Variants in PDE1A observed in about 807,000 individuals in gnomAD.
The protein encoded by PDE1A is phosphodiesterase 1A, also known as dual specificity calcium/calmodulin-dependent 3',5'-cyclic nucleotide phosphodiesterase 1A.
In PDE1A, 35 loss-of-function variants were observed where a neutral mutation model predicts 61.7. The ratio of observed to expected loss-of-function variants is 0.57; its 90% CI spans 0.43 to 0.75. The LOEUF (loss-of-function observed/expected upper bound fraction) is 0.75, where lower values mean the gene tolerates loss of function less well. Among genes scored for constraint, PDE1A ranks in the 30% least tolerant of loss-of-function variants. The pLI is 0.00. For missense variants in PDE1A, 597 were observed against 630.6 expected (o/e 0.95, Z 0.57); for synonymous variants, 232 against 213.2 (o/e 1.09, Z -0.77).
At chr2:182,241,156 G>A (rs1014670149) in intron 2 of PDE1A, among the ~76,000 whole-genome samples, 3 of 152,116 alleles carry the variant, frequency 2.0e-5, no homozygotes, top group African/African-American at 7.2e-5. Context: ...AGTCAGCTTC[G>A]GCAGTCAAGA....
chr2:182,213,113 A>G lies in PDE1A; in HGVS notation c.777-7048T>C, dbSNP rs1436568216. On this transcript the variant is annotated intron_variant, in intron 7 of 13. Transcript: ENST00000351439. ...TCCTCAAGTGGGTCCCTGACCCCTG[A>G]CCCCCGAGCAGCCTAACTGGGAGGC... 5.3e-5 allele frequency among the ~76,000 whole-genome samples: 8 copies of G among 150,074 alleles called. No individual in the cohort carries two copies. In the South Asian group the frequency reaches 1.7e-3, roughly 32 times the overall value.
intron 2 of PDE1A, among the ~76,000 whole-genome samples, chr2:182,498,272 G>A (rs1290476123): frequency 6.6e-6 from 1 of 151,976 alleles, no homozygotes; most frequent in Non-Finnish European, 1.5e-5. Context: ...TCATATAGAA[G>A]AAGAATTGTT....
the PDE1A span, among the ~76,000 whole-genome samples, chr2:182,661,222 C>T: frequency 6.6e-6 from 1 of 152,210 alleles, no homozygotes; most frequent in East Asian, 1.9e-4. Flanking sequence ...TTCAAGTTGA[C>T]ATATCCTCTG....
chr2:182,618,611 A>G, the PDE1A span, among the ~76,000 whole-genome samples: 3 of 152,204 alleles, frequency 2.0e-5, no homozygotes, highest in Non-Finnish European at 4.4e-5. Context: ...TTTAATAAAA[A>G]TAGAATTGAC....
At chr2:182,589,355 A>G in the PDE1A span, among the ~76,000 whole-genome samples, 14 of 151,990 alleles carry the variant, frequency 9.2e-5, no homozygotes, top group African/African-American at 3.1e-4. Context: ...CAGTGTGACA[A>G]TCTCCACTGA....
At chr2:182,340,978 T>C (rs1698145672) in intron 1 of PDE1A, among the ~76,000 whole-genome samples, 1 of 152,218 alleles carries the variant, frequency 6.6e-6, no homozygotes, top group Admixed American at 6.5e-5. Flanking sequence ...CTTAAAGTGT[T>C]ATTTCCTCCT....
chr2:182,159,266 A>T (rs1003030101), intron 13 of PDE1A, among the ~76,000 whole-genome samples: 4 of 152,226 alleles, frequency 2.6e-5, no homozygotes, highest in African/African-American at 9.6e-5. Flanking sequence ...GAAGTGGCAG[A>T]ATCCTTAACA....
rs144564335 is a variant in PDE1A, at chr2:182,379,774, T to C, written c.53+46804A>G. On this transcript the variant is annotated intron_variant, in intron 1 of 13. Transcript: ENST00000351439. ...TGGGTATTTTTCAGGATCATCTTGCTTAGTCTACAGCAGTAGGAGAGGTTT... is the reference window on the plus strand; with the variant it reads ...TGGGTATTTTTCAGGATCATCTTGCCTAGTCTACAGCAGTAGGAGAGGTTT... Among the ~76,000 whole-genome samples, 863 of 152,334 alleles carry C rather than the reference T, an allele frequency of 5.7e-3. 7 individuals are homozygous for C. Among genetic ancestry groups the C allele is most frequent in the African/African-American group, 0.02 (812 of 41,570 alleles).
chr2:182,197,750 G>C (rs891531073), intron 10 of PDE1A, among the ~76,000 whole-genome samples: 5 of 151,726 alleles, frequency 3.3e-5, no homozygotes, highest in Admixed American at 1.3e-4. Flanking sequence ...CTATTTTAAT[G>C]ATCTATTTGC....
chr2:182,548,338 C>T, the PDE1A span, among the ~76,000 whole-genome samples: 18 of 152,184 alleles, frequency 1.2e-4, no homozygotes, highest in African/African-American at 3.4e-4. Flanking sequence ...GCCAAAACAA[C>T]GGCAAGCTTG....
intron 1 of PDE1A, among the ~76,000 whole-genome samples, chr2:182,310,350 G>T (rs754141672): frequency 9.2e-5 from 14 of 152,114 alleles, no homozygotes; most frequent in Non-Finnish European, 1.3e-4. Context: ...TATTCCTTCA[G>T]GGGGCTATGG....
chr2:182,712,118 G>T, the PDE1A span, among the ~76,000 whole-genome samples: 460 of 152,286 alleles, frequency 3.0e-3, 3 homozygotes, highest in African/African-American at 0.011. Context: ...AAATCTAATC[G>T]TGAGGAAACA....
At chr2:182,215,690 C>T (rs1341341938) in intron 7 of PDE1A, among the ~76,000 whole-genome samples, 5 of 117,250 alleles carry the variant, frequency 4.3e-5, no homozygotes, top group Non-Finnish European at 7.0e-5. Context: ...TTCCTCGACA[C>T]ATACACTCTC....
chr2:182,651,323 A>G, the PDE1A span, among the ~76,000 whole-genome samples: 1 of 152,148 alleles, frequency 6.6e-6, no homozygotes. Flanking sequence ...TTTTAATGCC[A>G]AATTAGGGGG....
rs77835760 is a variant in PDE1A, at chr2:182,151,922, G to A, written c.1517-4770C>T. On this transcript the variant is annotated intron_variant, in intron 13 of 13. Transcript: ENST00000409365. ...AGATGAGAAAGACATGATTAGAGGG[G>A]TAGCTGACTATTCCAACGCAAAATA... Among the ~76,000 whole-genome samples, 12 of 152,296 alleles carry A rather than the reference G, an allele frequency of 7.9e-5. No individual in the cohort carries two copies. The East Asian group carries it at 2.3e-3, about 29-fold the overall frequency.
At chr2:182,205,900 C>T in intron 8 of PDE1A, 40 bp downstream of exon 8, 7 of 1,559,214 alleles carry the variant, frequency 4.5e-6, no homozygotes, top group Non-Finnish European at 6.1e-6. Context: ...TTATTCCTTT[C>T]CTGAAATTAA....
At chr2:182,392,252 C>A (rs1250461496) in intron 1 of PDE1A, among the ~76,000 whole-genome samples, 2 of 152,154 alleles carry the variant, frequency 1.3e-5, no homozygotes, top group African/African-American at 4.8e-5. Flanking sequence ...ACAAAGGCAC[C>A]TCTTACATGG....
chr2:182,688,360 T>TG, the PDE1A span, among the ~76,000 whole-genome samples: 1 of 151,734 alleles, frequency 6.6e-6, no homozygotes, highest in Non-Finnish European at 1.5e-5. Flanking sequence ...CAGAAAAGAG[T>TG]GGGGGCCAAT....
At chr2:182,614,615 T>C in the PDE1A span, among the ~76,000 whole-genome samples, 1 of 148,678 alleles carries the variant, frequency 6.7e-6, no homozygotes, top group Non-Finnish European at 1.5e-5. Context: ...TGGAGTGCAG[T>C]GGTGCAATCT....
Sources: gnomAD v4.1 joint callset for allele counts (sites outside exome capture counted in the v4.1 genomes callset) on GRCh38, gnomAD v4.1.1 for gene constraint, MANE v1.5 for transcripts, NCBI Gene and HGNC (gene_info 2026-07-23, HGNC 2026-07-21) for gene names.